Variants in ERCC5 observed in about 807,000 individuals in gnomAD.
ERCC5 encodes the protein DNA excision repair protein ERCC-5.
A neutral mutation model predicts 105.6 loss-of-function variants in ERCC5; 68 were observed. The ratio of observed to expected loss-of-function variants is 0.64; its 90% CI spans 0.53 to 0.79. The LOEUF is 0.79. Ranked by LOEUF, ERCC5 falls within the 30% of genes least tolerant of loss-of-function variation. The pLI, the probability that ERCC5 is intolerant of heterozygous loss-of-function variation, is 0.00. For synonymous variants in ERCC5, 546 were observed against 526.2 expected, an observed-to-expected ratio of 1.04 and a Z score of -0.51; for missense variants, 1,373 against 1,426.7, an observed-to-expected ratio of 0.96 and a Z score of 0.61.
Position 102,861,661 on chromosome 13 carries a change from T to C in ERCC5, c.827T>C (p.Val276Ala), listed in dbSNP as rs780500600. Residue 276 changes from valine to alanine, a missense_variant, in exon 7 of 15, where the codon GTA (valine) becomes GCA (alanine). Around this residue, in one of 3 missense-constraint regions of ERCC5, gnomAD observed 1,004 missense variants for 1,059.7 expected, o/e 0.95. Transcript: ENST00000652225. ...YEDEGGFLKE[V>A]ESRRVVSEDT... Reference sequence around the variant, plus strand: ...GATGAAGGGGGCTTTCTGAAGGAGGTAGAGTCAAGGAGAGTGGTCTCTGAA... The same window carrying C: ...GATGAAGGGGGCTTTCTGAAGGAGGCAGAGTCAAGGAGAGTGGTCTCTGAA... The C allele has an allele frequency of 1.5e-5, 25 of 1,614,112 alleles. No individual in the cohort carries two copies. The highest frequency in any genetic ancestry group is 2.1e-5 in the Non-Finnish European group (25 of 1,180,006).
At chr13:102,863,320 A>G (rs1882717780) in intron 8 of ERCC5, among the ~76,000 whole-genome samples, 1 of 152,208 alleles carries the variant, frequency 6.6e-6, no homozygotes, top group South Asian at 2.1e-4. Context: ...TTTTAAAGGC[A>G]TGAAGTGCCC....
At chr13:102,863,175 A>G in intron 8 of ERCC5, 72 bp downstream of exon 8, 1 of 1,525,624 alleles carries the variant, frequency 6.6e-7, no homozygotes, top group South Asian at 1.2e-5. Context: ...GAGATCGGTT[A>G]GTGTAGTCCC....
chr13:102,864,387 A>G (rs1441598884), intron 8 of ERCC5, among the ~76,000 whole-genome samples: 3 of 152,098 alleles, frequency 2.0e-5, no homozygotes, highest in African/African-American at 4.8e-5. Flanking sequence ...CATTCCTTAT[A>G]TATTATTACT....
rs369464789 is a variant in ERCC5 at position 102,868,168 on chromosome 13, C to A, written c.2589C>A (p.Thr863=). ...NLAYLLGSDY[T]EGIPTVGCVT... ...CTTATTTGCTTGGAAGTGATTATAC[C>A]GAAGGAATACCAACTGTGGGTTGTG... The change falls in exon 12 of 15, where the codon ACC becomes ACA. Residue 863 remains threonine, a synonymous_variant. Transcript: ENST00000652225. 5 of 1,613,906 alleles carry A rather than the reference C, an allele frequency of 3.1e-6. No individual in the cohort carries two copies. The highest frequency in any genetic ancestry group is 4.2e-6 in the Non-Finnish European group (5 of 1,180,020).
Position 102,862,977 on chromosome 13 carries a change from G to A in ERCC5, c.1828G>A (p.Glu610Lys). ...VENVVSFNAK[E>K]HENFLETIQE... ...AAATGTGGTGTCATTTAATGCTAAA[G>A]AGCATGAGAATTTTCTGGAAACCAT... The change falls in exon 8 of 15, where the codon GAG becomes AAG. Residue 610 changes from glutamate to lysine, a missense_variant. Transcript: ENST00000652225. The A allele has an allele frequency of 3.7e-6, 6 of 1,614,208 alleles. No individual in the cohort carries two copies. The highest frequency in any genetic ancestry group is 5.1e-6 in the Non-Finnish European group (6 of 1,180,044).
At position 102,846,163 on chromosome 13, in the gene ERCC5, G is replaced by A; in HGVS notation, c.-104G>A. 1 of 883,554 alleles carries A rather than the reference G, an allele frequency of 1.1e-6. No individual in the cohort carries two copies. The highest frequency in any genetic ancestry group is 1.8e-6 in the Non-Finnish European group (1 of 546,356). The allele number at this position is 883,554 out of a possible 1,614,324, so 54.7% of individuals were successfully genotyped here. A position where few individuals can be genotyped will look rare whatever the true frequency, so the allele number is the denominator to read the frequency against. On this transcript the variant is annotated 5_prime_UTR_variant, in exon 1 of 15. Transcript: ENST00000652225. ...ATTATTTGCCATCTTTGTTGTGTAG[G>A]AGCAGGGAGGGCTTCCTCCCGGGGT...
At position 102,868,193 on chromosome 13, in the gene ERCC5, G is replaced by C; in HGVS notation, c.2614G>C (p.Val872Leu). 6.2e-7 allele frequency: 1 copy of C among 1,614,212 alleles called. No individual in the cohort carries two copies. Among genetic ancestry groups the C allele is most frequent in the Non-Finnish European group, 8.5e-7 (1 of 1,180,040 alleles). Residue 872 changes from valine to leucine, a missense_variant, in exon 12 of 15, where the codon GTA becomes CTA. Transcript: ENST00000652225. ...YTEGIPTVGCVTAMEILNEFP... is the reference protein window; with the variant it reads ...YTEGIPTVGCLTAMEILNEFP... ...CGAAGGAATACCAACTGTGGGTTGT[G>C]TAACCGCCATGGAAATTCTCAATGA... is the stretch of plus-strand genomic sequence containing the variant.
chr13:102,848,039 G>T lies in ERCC5; in HGVS notation c.88+1685G>T, dbSNP rs117788060. On this transcript the variant is annotated intron_variant, in intron 1 of 14. Coordinates refer to ENST00000652225, the MANE Select transcript of ERCC5 (RefSeq NM_000123.4). ...CTGGACGTGGTGGCCTGCACCTTTG[G>T]TCCCAGCTACACGGAAGGCTGAGGC... Among the ~76,000 whole-genome samples the T allele has an allele frequency of 3.5e-4, 54 of 152,280 alleles. 2 individuals carry two copies. In the East Asian group the frequency reaches 9.8e-3, roughly 28 times the overall value.
Position 102,862,614 on chromosome 13 carries a change from A to C in ERCC5, c.1465A>C (p.Ser489Arg), listed in dbSNP as rs1882675795. The C allele has an allele frequency of 1.2e-6, 2 of 1,614,046 alleles. No individual in the cohort carries two copies. The highest frequency in any genetic ancestry group is 1.7e-6 in the Non-Finnish European group (2 of 1,180,038). Residue 489 changes from serine (S) to arginine (R), a missense_variant, in exon 8 of 15, where the codon AGT becomes CGT. This residue lies in a region of ERCC5 where 1,004 missense variants were observed against 1,059.7 expected (regional missense o/e 0.95). Transcript: ENST00000652225. ...VHVGTEAFPISDESMIKDRKD... is the reference protein window; with the variant it reads ...VHVGTEAFPIRDESMIKDRKD... ...CGTGGGGACTGAAGCCTTTCCGATA[A>C]GTGATGAGTCTATGATTAAGGACAG...
Position 102,875,653 on chromosome 13 carries a change from A to T in ERCC5, c.3311A>T (p.Asp1104Val). 1.2e-6 allele frequency: 2 copies of T among 1,614,162 alleles called. No individual in the cohort carries two copies. Among genetic ancestry groups the T allele is most frequent in the Non-Finnish European group, 1.7e-6 (2 of 1,179,986 alleles). The change falls in exon 15 of 15, where the codon GAT (aspartate) becomes GTT (valine). Residue 1104 changes from aspartate (D) to valine (V), a missense_variant. By Grantham distance (152) the Asp-to-Val change is radical. Transcript: ENST00000652225. ...TCATCTGATGGATCTTCAAGTGAAGATGCTGAAAGTTCATCTTTAATGAAT... is the reference window on the plus strand; with the variant it reads ...TCATCTGATGGATCTTCAAGTGAAGTTGCTGAAAGTTCATCTTTAATGAAT... ...SESSDGSSSE[D>V]AESSSLMNVQ...
chr13:102,871,191 C>G (rs1464549711), intron 12 of ERCC5, among the ~76,000 whole-genome samples: 1 of 152,218 alleles, frequency 6.6e-6, no homozygotes, highest in Admixed American at 6.5e-5. Flanking sequence ...TTGGCTTCCT[C>G]ATAGCATGTT....
At chr13:102,860,029 TC>T (rs1882564373) in intron 6 of ERCC5, among the ~76,000 whole-genome samples, 2 of 152,212 alleles carry the variant, frequency 1.3e-5, no homozygotes, top group African/African-American at 4.8e-5. Context: ...TTGTCTAGCA[TC>T]TCCGTGCTGT....
At position 102,875,347 on chromosome 13, in the gene ERCC5, A is replaced by G. The variant is rs41564320; in HGVS notation, c.3005A>G (p.Gln1002Arg). Residue 1002 changes from glutamine to arginine, a missense_variant, in exon 15 of 15, where the codon CAG (glutamine) becomes CGG (arginine). Physicochemically the swap from Gln to Arg is conservative, Grantham distance 43 (BLOSUM62 1). Coordinates refer to ENST00000652225, the MANE Select transcript of ERCC5 (RefSeq NM_000123.4). ...GATTCCTTCTTTAGATTAGCACAAC[A>G]GGAGAAAGAAGATGCTAAACGTATT... ...RIDSFFRLAQ[Q>R]EKEDAKRIKS... 1.7e-5 allele frequency: 27 copies of G among 1,613,908 alleles called. No homozygotes were observed. The highest frequency in any genetic ancestry group is 1.5e-4 in the Admixed American group (9 of 59,986).
intron 6 of ERCC5, among the ~76,000 whole-genome samples, chr13:102,859,404 G>A (rs1392619609): frequency 6.6e-6 from 1 of 152,200 alleles, no homozygotes; most frequent in African/African-American, 2.4e-5. Flanking sequence ...ACACACTAAG[G>A]TGCACAGAAG....
chr13:102,865,880 A>T lies in ERCC5; in HGVS notation c.2168A>T (p.Asp723Val). The change falls in exon 9 of 15, where the codon GAT (aspartate) becomes GTT (valine). Residue 723 changes from aspartate (D) to valine (V), a missense_variant. Physicochemically the swap from Asp to Val is radical, Grantham distance 152. This residue lies in a region of ERCC5 where 1,004 missense variants were observed against 1,059.7 expected (regional missense o/e 0.95). Transcript: ENST00000652225. The surrounding 1 kb of genome is among the most constrained non-coding windows in gnomAD (Gnocchi z 4.0). Reference protein sequence around the residue: ...EPQEAEKDAEDSLHEWQDINL... With the variant: ...EPQEAEKDAEVSLHEWQDINL... ...CAGGAAGCTGAGAAAGATGCGGAAG[A>T]TTCGCTCCATGAATGGCAAGATATT... 1 of 1,614,236 alleles carries T rather than the reference A, an allele frequency of 6.2e-7. No individual in the cohort carries two copies. Among genetic ancestry groups the T allele is most frequent in the Non-Finnish European group, 8.5e-7 (1 of 1,180,048 alleles).
At chr13:102,847,747 T>C (rs1882033134) in intron 1 of ERCC5, among the ~76,000 whole-genome samples, 1 of 152,188 alleles carries the variant, frequency 6.6e-6, no homozygotes, top group Admixed American at 6.5e-5. Flanking sequence ...CTTAGTATCA[T>C]TGCAGTCTAA....
At chr13:102,856,533 G>A (rs1336799906) in intron 5 of ERCC5, among the ~76,000 whole-genome samples, 1 of 152,306 alleles carries the variant, frequency 6.6e-6, no homozygotes, top group East Asian at 1.9e-4. Context: ...ATGTGCATGT[G>A]TACATATATA....
In ERCC5 at chr13:102,861,843, A is replaced by G; in HGVS notation, c.880+129A>G. 4 of 1,347,914 alleles carry G rather than the reference A, an allele frequency of 3.0e-6. No individual in the cohort carries two copies. The South Asian group carries it at 4.0e-5, about 14-fold the overall frequency. The allele number at this position is 1,347,914 out of a possible 1,614,324, so 83.5% of individuals were successfully genotyped here. ...ATTTATGTAATAACTGTATACTGCTATTAATGGATTAACTACTATAGTGCC... is the reference window on the plus strand; with the variant it reads ...ATTTATGTAATAACTGTATACTGCTGTTAATGGATTAACTACTATAGTGCC... On this transcript the variant is annotated intron_variant, in intron 7 of 14. Transcript: ENST00000652225.
intron 7 of ERCC5, 84 bp from the exon 8 acceptor site, chr13:102,861,946 C>T (rs1437838112): frequency 2.6e-6 from 4 of 1,530,252 alleles, no homozygotes. Context: ...TTTATGAGAA[C>T]CAGTGTTCTC....
Sources: gnomAD v4.1 joint callset for allele counts (sites outside exome capture counted in the v4.1 genomes callset) on GRCh38, gnomAD v4.1.1 for gene constraint, gnomAD v4.1.1 regional missense constraint, Gnocchi (gnomAD v3.1) non-coding constraint, MANE v1.5 for transcripts, NCBI Gene and HGNC (gene_info 2026-07-23, HGNC 2026-07-21) for gene names.